The following EYS variants were observed in gnomAD, a reference collection of about 807,000 sequenced individuals.
The protein encoded by EYS is EGF-like photoreceptor maintenance factor.
In EYS, 250 loss-of-function variants were observed where a neutral mutation model predicts 282.1. The ratio of observed to expected loss-of-function variants is 0.89; its 90% CI spans 0.80 to 0.98. EYS has a LOEUF of 0.98. Among genes scored for constraint, EYS ranks in the 50% least tolerant of loss-of-function variants. The pLI, the probability that EYS is intolerant of heterozygous loss-of-function variation, is 0.00. For missense variants in EYS, 4,016 were observed against 3,709.0 expected (o/e 1.08, Z -2.15); for synonymous variants, 1,355 against 1,282.9 (o/e 1.06, Z -1.20).
Position 64,796,370 on chromosome 6 carries a change from T to C in EYS, c.3443+17008A>G, listed in dbSNP as rs75889150. ...AACAGCTGACCAGTTGCTTTTCTAC[T>C]ACTACTTCCAGGAAGAAAAGACCAG... is the stretch of plus-strand genomic sequence containing the variant. On this transcript the variant is annotated intron_variant, in intron 22 of 42. Coordinates refer to ENST00000503581, the MANE Select transcript of EYS (RefSeq NM_001142800.2). 1.6e-3 allele frequency among the ~76,000 whole-genome samples: 243 copies of C among 152,208 alleles called. 1 individual carries two copies. The highest frequency in any genetic ancestry group is 3.1e-3 in the Non-Finnish European group (214 of 68,002).
chr6:64,234,955 G>A, intron 30 of EYS, among the ~76,000 whole-genome samples: 1 of 151,474 alleles, frequency 6.6e-6, no homozygotes, highest in Non-Finnish European at 1.5e-5. Flanking sequence ...TTGGCTCACT[G>A]CAACCCCCGC....
At chr6:65,541,287 A>ATGTTATAATTATAACAT (rs1388824214) in intron 2 of EYS, among the ~76,000 whole-genome samples, 1 of 152,220 alleles carries the variant, frequency 6.6e-6, no homozygotes, top group East Asian at 1.9e-4. Context: ...ATTGCGATTA[A>ATGTTATAATTATAACAT]TAGTGTATAA....
chr6:63,779,874 C>T (rs1770168175), intron 39 of EYS, among the ~76,000 whole-genome samples: 2 of 151,708 alleles, frequency 1.3e-5, no homozygotes, highest in South Asian at 4.2e-4. Flanking sequence ...ATTAGGTATT[C>T]CTCCTGATGC....
At chr6:64,351,042 T>G (rs1209335422) in intron 29 of EYS, among the ~76,000 whole-genome samples, 1 of 149,502 alleles carries the variant, frequency 6.7e-6, no homozygotes, top group Non-Finnish European at 1.5e-5. Context: ...CCCAGCCATG[T>G]GAAACTATGA....
In EYS at chr6:65,296,034, C is replaced by T. The variant is rs142450703; in HGVS notation, c.1852G>A (p.Gly618Ser). ...CLGNHSISVH[G>S]LCLALSHNCN... Reference sequence around the variant, plus strand: ...TTGTGCGAAAGGGCCAGGCAGAGGCCATGCACTGATATACTGTGGTTCCCT... The same window carrying T: ...TTGTGCGAAAGGGCCAGGCAGAGGCTATGCACTGATATACTGTGGTTCCCT... The change falls in exon 12 of 43, where the codon GGC becomes AGC. Residue 618 changes from glycine to serine, a missense_variant. Transcript: ENST00000503581. The T allele has an allele frequency of 1.5e-4, 235 of 1,551,100 alleles. No individual in the cohort carries two copies. The African/African-American group carries it at 1.6e-3, about 11-fold the overall frequency.
Position 64,902,352 on chromosome 6 carries a change from A to G in EYS, c.2738+52T>C. ...TCACCAATTAAAATTCTATACCTGTATACATCTAGACACATAAACATGTAT... is the reference window on the plus strand; with the variant it reads ...TCACCAATTAAAATTCTATACCTGTGTACATCTAGACACATAAACATGTAT... On this transcript the variant is annotated intron_variant, in intron 17 of 42. Coordinates refer to ENST00000503581, the MANE Select transcript of EYS (RefSeq NM_001142800.2). 3.0e-6 allele frequency: 4 copies of G among 1,341,246 alleles called. No homozygotes were observed. In the South Asian group the frequency reaches 4.0e-5, roughly 13 times the overall value. 83.1% of individuals were successfully genotyped at this position (1,341,246 alleles called of 1,614,324 possible).
At chr6:64,506,698 G>A (rs997729936) in intron 26 of EYS, among the ~76,000 whole-genome samples, 7 of 151,984 alleles carry the variant, frequency 4.6e-5, no homozygotes, top group African/African-American at 1.7e-4. Context: ...GTATCACGAG[G>A]TCAGGAGATG....
chr6:64,526,316 C>A (rs1284151009), intron 26 of EYS, among the ~76,000 whole-genome samples: 1 of 151,652 alleles, frequency 6.6e-6, no homozygotes, highest in Admixed American at 6.6e-5. Context: ...TATAGTACTG[C>A]ATAACATTAC....
chr6:65,655,581 C>T (rs1193953506), intron 1 of EYS, among the ~76,000 whole-genome samples: 1 of 151,718 alleles, frequency 6.6e-6, no homozygotes, highest in Non-Finnish European at 1.5e-5. Context: ...CATAAAATAT[C>T]TCATCATGTT....
At chr6:64,151,317 T>A (rs11752243) in intron 31 of EYS, among the ~76,000 whole-genome samples, 831 of 52,324 alleles carry the variant, frequency 0.016, 40 homozygotes, top group East Asian at 0.078. Flanking sequence ...GTGTGTATAT[T>A]TATATATATA....
At chr6:64,869,235 A>G (rs1766517135) in intron 19 of EYS, among the ~76,000 whole-genome samples, 1 of 151,592 alleles carries the variant, frequency 6.6e-6, no homozygotes, top group Admixed American at 6.6e-5. Flanking sequence ...TGTTCAGACT[A>G]TTATAATCCA....
At chr6:63,868,942 G>A (rs1411012256) in intron 35 of EYS, among the ~76,000 whole-genome samples, 1 of 152,136 alleles carries the variant, frequency 6.6e-6, no homozygotes, top group African/African-American at 2.4e-5. Flanking sequence ...GTGCTGTAAG[G>A]CACACCACTA....
At chr6:65,153,364 TGTGTGTG>T (rs1297849988) in intron 12 of EYS, among the ~76,000 whole-genome samples, 1 of 1,120 alleles carries the variant, frequency 8.9e-4, no homozygotes. Flanking sequence ...AGATCATAAA[TGTGTGTG>T]TGTGTGTGTG....
chr6:64,888,815 C>T (rs1475642894), intron 18 of EYS, among the ~76,000 whole-genome samples: 1 of 151,906 alleles, frequency 6.6e-6, no homozygotes. Flanking sequence ...ACTTTGTGTT[C>T]TCACTGAATT....
chr6:65,694,743 A>T (rs977456080), intron 1 of EYS, among the ~76,000 whole-genome samples: 3 of 30,210 alleles, frequency 9.9e-5, no homozygotes, highest in East Asian at 2.3e-3. Flanking sequence ...TTGTAGATTT[A>T]AAAAAAAAAA....
chr6:64,196,743 G>A (rs1765300738), intron 31 of EYS, among the ~76,000 whole-genome samples: 1 of 144,222 alleles, frequency 6.9e-6, no homozygotes, highest in African/African-American at 2.6e-5. Context: ...GGGGACTGTG[G>A]TGGGGTGGAG....
intron 16 of EYS, among the ~76,000 whole-genome samples, chr6:64,906,054 CA>C (rs542721033): frequency 3.3e-5 from 5 of 150,296 alleles, no homozygotes; most frequent in African/African-American, 7.3e-5. Flanking sequence ...AAAAAGAAAA[CA>C]AAAAAACACC....
chr6:64,583,037 G>A (rs531587012), intron 26 of EYS, among the ~76,000 whole-genome samples: 3 of 152,092 alleles, frequency 2.0e-5, no homozygotes, highest in Non-Finnish European at 2.9e-5. Context: ...TAGAACAAAA[G>A]TGACATTATA....
At chr6:64,552,304 C>A (rs553604138) in intron 26 of EYS, among the ~76,000 whole-genome samples, 1 of 152,266 alleles carries the variant, frequency 6.6e-6, no homozygotes, top group Non-Finnish European at 1.5e-5. Context: ...ATTTTACTCC[C>A]AAACATATTT....
Sources: allele counts gnomAD v4.1 joint callset (sites outside exome capture counted in the v4.1 genomes callset), GRCh38; gene constraint gnomAD v4.1.1; transcripts MANE v1.5; gene names NCBI Gene and HGNC (gene_info 2026-07-23, HGNC 2026-07-21).